The following PPM1L variants were observed in gnomAD, a reference collection of about 807,000 sequenced individuals.
The protein encoded by PPM1L is protein phosphatase, Mg2+/Mn2+ dependent 1L.
Under a neutral mutation model 31.4 loss-of-function variants are expected in PPM1L, and 13 were observed. The ratio of observed to expected loss-of-function variants is 0.41; its 90% CI spans 0.27 to 0.66. The LOEUF (loss-of-function observed/expected upper bound fraction) is 0.66, where lower values mean the gene tolerates loss of function less well. Ranked by LOEUF, PPM1L falls within the 30% of genes least tolerant of loss-of-function variation. The probability of loss-of-function intolerance (pLI) is 0.29; values close to 1 mark genes in which losing one functional copy is unlikely to be tolerated. For missense variants in PPM1L, 326 were observed against 453.7 expected, an observed-to-expected ratio of 0.72 and a Z score of 2.56; for synonymous variants, 184 against 175.4, an observed-to-expected ratio of 1.05 and a Z score of -0.39.
chr3:160,854,599 C>CACAT (rs1017431547), intron 1 of PPM1L, among the ~76,000 whole-genome samples: 3 of 151,878 alleles, frequency 2.0e-5, no homozygotes, highest in African/African-American at 7.3e-5. Context: ...ACAGTAGAGA[C>CACAT]ACATACACAC....
intron 1 of PPM1L, among the ~76,000 whole-genome samples, chr3:160,844,533 G>A (rs760937124): frequency 6.6e-5 from 10 of 151,968 alleles, no homozygotes; most frequent in African/African-American, 9.7e-5. Flanking sequence ...GCCAGATACC[G>A]GTTTGCAAAT....
At chr3:160,955,846 G>C (rs1715758527) in intron 1 of PPM1L, among the ~76,000 whole-genome samples, 1 of 151,678 alleles carries the variant, frequency 6.6e-6, no homozygotes, top group South Asian at 2.1e-4. Flanking sequence ...AATAGAGACG[G>C]GGTTTCACCG....
intron 2 of PPM1L, among the ~76,000 whole-genome samples, chr3:160,978,774 G>A (rs1716694448): frequency 6.6e-6 from 1 of 152,112 alleles, no homozygotes; most frequent in African/African-American, 2.4e-5. Flanking sequence ...AGGTTGCAGT[G>A]AGCCGTGTTC....
intron 2 of PPM1L, among the ~76,000 whole-genome samples, chr3:160,993,837 A>G (rs1042285130): frequency 2.0e-5 from 3 of 152,092 alleles, no homozygotes; most frequent in Admixed American, 6.6e-5. Context: ...CAGTGTTTAT[A>G]CCCTGTCCCC....
At chr3:160,994,189 A>G (rs1157879280) in intron 2 of PPM1L, among the ~76,000 whole-genome samples, 1 of 152,122 alleles carries the variant, frequency 6.6e-6, no homozygotes, top group African/African-American at 2.4e-5. Flanking sequence ...GACCCTTATC[A>G]ACTCCAGTGG....
intron 1 of PPM1L, among the ~76,000 whole-genome samples, chr3:160,908,542 A>G (rs573789527): frequency 1.2e-4 from 18 of 152,304 alleles, no homozygotes; most frequent in African/African-American, 4.1e-4. Context: ...TTTAAAGTGT[A>G]TCTTACATTT....
chr3:160,774,498 T>A (rs967795691), intron 1 of PPM1L, among the ~76,000 whole-genome samples: 20 of 152,298 alleles, frequency 1.3e-4, no homozygotes, highest in South Asian at 4.1e-4. Flanking sequence ...TTTCTTTTTT[T>A]AAAAAAACCT....
intron 1 of PPM1L, among the ~76,000 whole-genome samples, chr3:160,948,747 A>G (rs1396827255): frequency 6.6e-6 from 1 of 152,160 alleles, no homozygotes; most frequent in Non-Finnish European, 1.5e-5. Flanking sequence ...TTGAAAGGCC[A>G]TGTAGGAACG....
chr3:160,929,514 GT>G (rs921420684), intron 1 of PPM1L, among the ~76,000 whole-genome samples: 2 of 152,228 alleles, frequency 1.3e-5, no homozygotes, highest in African/African-American at 2.4e-5. Context: ...GGGCAGGAAA[GT>G]GCTTACTTGG....
At chr3:160,879,824 C>T (rs1200134722) in intron 1 of PPM1L, among the ~76,000 whole-genome samples, 2 of 152,166 alleles carry the variant, frequency 1.3e-5, no homozygotes, top group Non-Finnish European at 1.5e-5. Context: ...GGTGCTTATG[C>T]TGCTGATCTG....
intron 1 of PPM1L, among the ~76,000 whole-genome samples, chr3:160,769,616 GT>G (rs113343931): frequency 3.3e-4 from 49 of 147,986 alleles, no homozygotes; most frequent in Middle Eastern, 3.6e-3. Context: ...AACAAGGTGG[GT>G]TTTTTTTTTC....
chr3:161,011,210 T>G (rs1187386198), intron 2 of PPM1L, among the ~76,000 whole-genome samples: 6 of 152,134 alleles, frequency 3.9e-5, no homozygotes, highest in African/African-American at 4.8e-5. Context: ...GTAAGGAAGG[T>G]ATCCAGTTTC....
chr3:160,963,240 G>C (rs1716022909), intron 2 of PPM1L, among the ~76,000 whole-genome samples: 1 of 152,014 alleles, frequency 6.6e-6, no homozygotes, highest in South Asian at 2.1e-4. Context: ...AAATAATGCA[G>C]TTACTTACTT....
chr3:161,030,016 A>G (rs886623700), intron 2 of PPM1L, among the ~76,000 whole-genome samples: 5 of 152,206 alleles, frequency 3.3e-5, no homozygotes, highest in Non-Finnish European at 5.9e-5. Context: ...TTTTTACCTC[A>G]TGCCTGCAGA....
At chr3:160,879,480 T>C (rs1336223749) in intron 1 of PPM1L, among the ~76,000 whole-genome samples, 1 of 152,098 alleles carries the variant, frequency 6.6e-6, no homozygotes, top group East Asian at 1.9e-4. Context: ...AAATGCTCAT[T>C]ATGTTTTCTT....
At chr3:160,979,860 C>T (rs1027606779) in intron 2 of PPM1L, among the ~76,000 whole-genome samples, 1 of 152,034 alleles carries the variant, frequency 6.6e-6, no homozygotes, top group Admixed American at 6.6e-5. Context: ...TAAAACTTTT[C>T]ATCCTTAAGT....
chr3:160,947,592 A>G lies in PPM1L; in HGVS notation c.400-14144A>G, dbSNP rs150065964. 1.4e-4 allele frequency among the ~76,000 whole-genome samples: 22 copies of G among 152,000 alleles called. No homozygotes were observed. The East Asian group carries it at 2.3e-3, about 16-fold the overall frequency. On this transcript the variant is annotated intron_variant, in intron 1 of 3. Transcript: ENST00000498165. ...TCATCAAAGAATCTTGTTCATTTCTATCTCCCCACTAGACCATAAGCACCA... is the reference window on the plus strand; with the variant it reads ...TCATCAAAGAATCTTGTTCATTTCTGTCTCCCCACTAGACCATAAGCACCA...
intron 1 of PPM1L, among the ~76,000 whole-genome samples, chr3:160,784,544 G>A (rs539112942): frequency 7.9e-5 from 12 of 152,192 alleles, no homozygotes; most frequent in Non-Finnish European, 1.5e-4. Context: ...TACCCATACT[G>A]CTTTTGCAAT....
At chr3:160,862,731 A>G (rs1711947612) in intron 1 of PPM1L, among the ~76,000 whole-genome samples, 1 of 150,942 alleles carries the variant, frequency 6.6e-6, no homozygotes, top group African/African-American at 2.4e-5. Flanking sequence ...ATACTGTCAA[A>G]TCCCCAGTGA....
Sources: allele counts gnomAD v4.1 joint callset (sites outside exome capture counted in the v4.1 genomes callset), GRCh38; gene constraint gnomAD v4.1.1; transcripts MANE v1.5; gene names NCBI Gene and HGNC (gene_info 2026-07-23, HGNC 2026-07-21).